PTPRG: variants seen among roughly 807,000 people sequenced by gnomAD.
PTPRG encodes the protein protein tyrosine phosphatase receptor type G.
In PTPRG, 102 loss-of-function variants were observed where a neutral mutation model predicts 165.3. That is an observed-to-expected ratio of 0.62 (90% confidence interval 0.53 to 0.73). The LOEUF is 0.73. Among genes scored for constraint, PTPRG ranks in the 30% least tolerant of loss-of-function variants. The probability of loss-of-function intolerance (pLI) is 0.00; values close to 1 mark genes in which losing one functional copy is unlikely to be tolerated. For missense variants in PTPRG, 1,866 were observed against 1,861.4 expected (o/e 1.00, Z -0.05); for synonymous variants, 675 against 669.5 (o/e 1.01, Z -0.13).
Position 62,038,133 on chromosome 3 carries a change from C to A in PTPRG, c.519+34636C>A, listed in dbSNP as rs1700009847. On this transcript the variant is annotated intron_variant, in intron 4 of 29. Coordinates refer to ENST00000474889, the MANE Select transcript of PTPRG (RefSeq NM_002841.4). ...CTTTCTTTGCCTATTTTCTGACCTA[C>A]TAAATAGGGATAAAACTAGTTTGGT... 2.0e-5 allele frequency among the ~76,000 whole-genome samples: 3 copies of A among 152,104 alleles called. No individual in the cohort carries two copies. The South Asian group carries it at 6.2e-4, about 31-fold the overall frequency.
chr3:62,115,396 A>G (rs1433991504), intron 5 of PTPRG, among the ~76,000 whole-genome samples: 1 of 152,202 alleles, frequency 6.6e-6, no homozygotes, highest in South Asian at 2.1e-4. Context: ...GGTAGCATAT[A>G]TCAAGAGGTT....
intron 5 of PTPRG, among the ~76,000 whole-genome samples, chr3:62,113,254 A>G (rs980562905): frequency 7.9e-5 from 12 of 152,052 alleles, no homozygotes; most frequent in African/African-American, 2.7e-4. Flanking sequence ...GCCTGTTCCT[A>G]TTACCTGCCA....
chr3:62,144,972 C>T (rs970139789), intron 6 of PTPRG, among the ~76,000 whole-genome samples: 1 of 151,800 alleles, frequency 6.6e-6, no homozygotes, highest in Admixed American at 6.6e-5. Context: ...AGGGAAATGC[C>T]GTTTTCCTGC....
intron 14 of PTPRG, among the ~76,000 whole-genome samples, chr3:62,235,076 G>T (rs1013864776): frequency 7.2e-5 from 11 of 152,080 alleles, no homozygotes; most frequent in African/African-American, 2.4e-4. Flanking sequence ...AACAAAATAA[G>T]GAGTTGCCAA....
chr3:62,243,221 G>C (rs2034823739), intron 14 of PTPRG, among the ~76,000 whole-genome samples: 1 of 151,926 alleles, frequency 6.6e-6, no homozygotes, highest in Non-Finnish European at 1.5e-5. Context: ...ACAAGCAGAT[G>C]ACACGTAAGG....
In PTPRG at chr3:61,782,713, C is replaced by A. The variant is rs779545689; in HGVS notation, c.190+33731C>A. Among the ~76,000 whole-genome samples, 79 of 152,238 alleles carry A rather than the reference C, an allele frequency of 5.2e-4. 2 individuals are homozygous for A. The highest frequency in any genetic ancestry group is 2.8e-4 in the Non-Finnish European group (19 of 67,992). On this transcript the variant is annotated intron_variant, in intron 2 of 29. Transcript: ENST00000474889. The stretch of plus-strand genomic sequence containing the variant: ...TAGTTGACCTGGCGCATTTTAGAAC[C>A]CTTCGTTTTAAGCTGAAGGTTATGA...
At chr3:62,050,849 C>T (rs1371141435) in intron 4 of PTPRG, among the ~76,000 whole-genome samples, 1 of 152,168 alleles carries the variant, frequency 6.6e-6, no homozygotes, top group Non-Finnish European at 1.5e-5. Flanking sequence ...CAGCTCCATC[C>T]TACATCCCTC....
chr3:61,561,914 A>C lies in PTPRG; in HGVS notation c.-374A>C, dbSNP rs1439986512. The C allele has an allele frequency of 6.3e-6, 1 of 157,824 alleles. No individual in the cohort carries two copies. Among genetic ancestry groups the C allele is most frequent in the East Asian group, 1.9e-4 (1 of 5,376 alleles). The allele number at this position is 157,824 out of a possible 1,614,324, so 9.8% of individuals were successfully genotyped here. The stretch of plus-strand genomic sequence containing the variant: ...TCGGGCTGTGCTGCGCTGCCGACTC[A>C]AGTTGGGGATCCTCGGCTGCTCGCC... On this transcript the variant is annotated 5_prime_UTR_variant, in exon 1 of 30. Transcript: ENST00000474889.
intron 1 of PTPRG, among the ~76,000 whole-genome samples, chr3:61,717,660 G>T (rs908492433): frequency 3.9e-5 from 6 of 152,102 alleles, no homozygotes; most frequent in Admixed American, 1.3e-4. Context: ...GTGGTGGTTT[G>T]TGCCTATAGT....
chr3:61,831,840 GATAAACAC>G (rs2036304839), intron 2 of PTPRG, among the ~76,000 whole-genome samples: 2 of 152,130 alleles, frequency 1.3e-5, no homozygotes, highest in Admixed American at 1.3e-4. Flanking sequence ...ACTGTATATA[GATAAACAC>G]ACACATAGGA....
intron 2 of PTPRG, among the ~76,000 whole-genome samples, chr3:61,856,442 A>G (rs2037108517): frequency 6.6e-6 from 1 of 152,180 alleles, no homozygotes; most frequent in Non-Finnish European, 1.5e-5. Context: ...GTTACATGGA[A>G]ACGAAGCCCA....
chr3:61,651,408 G>A (rs1702351919), intron 1 of PTPRG, among the ~76,000 whole-genome samples: 2 of 150,716 alleles, frequency 1.3e-5, no homozygotes, highest in African/African-American at 4.9e-5. Context: ...AGTGATAGAT[G>A]ATAGCAGCCA....
intron 8 of PTPRG, among the ~76,000 whole-genome samples, chr3:62,171,881 C>G (rs1166320853): frequency 6.6e-6 from 1 of 152,174 alleles, no homozygotes; most frequent in African/African-American, 2.4e-5. Context: ...AGCAATCACT[C>G]CCATTCTCCT....
chr3:61,923,370 G>A (rs2039127671), intron 2 of PTPRG, among the ~76,000 whole-genome samples: 1 of 152,034 alleles, frequency 6.6e-6, no homozygotes. Context: ...GAAATCGCCA[G>A]CGTTTTCCCA....
At chr3:61,605,111 C>T (rs930581768) in intron 1 of PTPRG, among the ~76,000 whole-genome samples, 1 of 152,172 alleles carries the variant, frequency 6.6e-6, no homozygotes, top group Non-Finnish European at 1.5e-5. Context: ...ATTCGCTATC[C>T]TTCTCTTTGC....
chr3:61,636,636 C>T (rs980309540), intron 1 of PTPRG, among the ~76,000 whole-genome samples: 8 of 152,312 alleles, frequency 5.3e-5, no homozygotes, highest in African/African-American at 1.7e-4. Flanking sequence ...TGTATCAATA[C>T]TTCATTTATT....
At chr3:62,206,758 C>T (rs183204216) in intron 12 of PTPRG, among the ~76,000 whole-genome samples, 28 of 151,920 alleles carry the variant, frequency 1.8e-4, no homozygotes, top group Admixed American at 4.6e-4. Flanking sequence ...CATGGTGAAA[C>T]CCCGTCTCTA....
intron 2 of PTPRG, among the ~76,000 whole-genome samples, chr3:61,850,318 C>T (rs2036929924): frequency 6.6e-6 from 1 of 152,102 alleles, no homozygotes; most frequent in Non-Finnish European, 1.5e-5. Flanking sequence ...CACCCACCAC[C>T]ACACCCAGCT....
intron 2 of PTPRG, among the ~76,000 whole-genome samples, chr3:61,826,090 G>A (rs2036101876): frequency 6.6e-6 from 1 of 152,144 alleles, no homozygotes; most frequent in Admixed American, 6.5e-5. Flanking sequence ...ATTACCAGCT[G>A]TCCTATTGTT....
Sources: gnomAD v4.1 joint callset for allele counts (sites outside exome capture counted in the v4.1 genomes callset) on GRCh38, gnomAD v4.1.1 for gene constraint, MANE v1.5 for transcripts, NCBI Gene and HGNC (gene_info 2026-07-23, HGNC 2026-07-21) for gene names.